TOMM34: variants seen among roughly 807,000 people sequenced by gnomAD.
TOMM34 encodes mitochondrial import receptor subunit TOM34.
In TOMM34, 24 loss-of-function variants were observed where a neutral mutation model predicts 37.4. The observed-to-expected ratio is 0.64, with a 90% CI of 0.46 to 0.90. The LOEUF (loss-of-function observed/expected upper bound fraction) is 0.90, where lower values mean the gene tolerates loss of function less well. TOMM34 is among the 40% of genes least tolerant of loss of function. The pLI is 0.00. For synonymous variants in TOMM34, 154 were observed against 148.9 expected (o/e 1.03, Z -0.25); for missense variants, 304 against 375.6 (o/e 0.81, Z 1.58).
At position 44,952,004 on chromosome 20, in the gene TOMM34, T is replaced by C; in HGVS notation, c.381-2A>G. 1 of 1,603,986 alleles carries C rather than the reference T, an allele frequency of 6.2e-7. No homozygotes were observed. The highest frequency in any genetic ancestry group is 8.5e-7 in the Non-Finnish European group (1 of 1,175,540). On this transcript the variant is annotated splice_acceptor_variant, in intron 3 of 6. Transcript: ENST00000372813. LOFTEE classifies it high-confidence loss of function. ...GAGTCCATGAGAGCTCTGGTCATTC[T>C]GGAAAAGAAGGCAGGATTGCAGGGA...
chr20:44,960,289 G>T lies in TOMM34; in HGVS notation c.45C>A (p.Ala15=), dbSNP rs777186463. ...GGCCGTTGCGGAAACTCTCATTGCC[G>T]GCGGCGCGGAGCTCCTCCACAGAGT... ...FPDSVEELRA[A]GNESFRNGQY... is the part of the protein sequence containing the mutation. The change falls in exon 1 of 7, where the codon GCC becomes GCA. Residue 15 remains alanine, a synonymous_variant. Coordinates refer to ENST00000372813, the MANE Select transcript of TOMM34 (RefSeq NM_006809.5). 6 of 1,583,872 alleles carry T rather than the reference G, an allele frequency of 3.8e-6. No individual in the cohort carries two copies. In the South Asian group the frequency reaches 6.9e-5, roughly 18 times the overall value.
At chr20:44,950,744 A>G (rs1418271204) in intron 4 of TOMM34, among the ~76,000 whole-genome samples, 1 of 152,198 alleles carries the variant, frequency 6.6e-6, no homozygotes, top group African/African-American at 2.4e-5. Flanking sequence ...CCAGAGAGGC[A>G]TTCTCCTGTA....
intron 4 of TOMM34, among the ~76,000 whole-genome samples, chr20:44,951,035 C>T (rs1179223356): frequency 6.6e-6 from 1 of 152,220 alleles, no homozygotes; most frequent in Admixed American, 6.5e-5. Context: ...TGGGAAGCAT[C>T]ACCCTCTAGT....
chr20:44,947,509 T>C (rs1340557865), intron 5 of TOMM34, among the ~76,000 whole-genome samples: 2 of 152,112 alleles, frequency 1.3e-5, no homozygotes, highest in African/African-American at 4.8e-5. Flanking sequence ...AACACTTCTT[T>C]TTTTTTTGTG....
chr20:44,943,044 GA>G lies in TOMM34; in HGVS notation c.*64del. The G allele has an allele frequency of 6.6e-7, 1 of 1,524,324 alleles. No individual in the cohort carries two copies. The highest frequency in any genetic ancestry group is 1.4e-5 in the African/African-American group (1 of 73,214). 94.4% of individuals were successfully genotyped at this position (1,524,324 alleles called of 1,614,324 possible). On this transcript the variant is annotated 3_prime_UTR_variant, in exon 7 of 7. Coordinates refer to ENST00000372813, the MANE Select transcript of TOMM34 (RefSeq NM_006809.5). ...ATGCTGGGTTTCAGGAGCGGGCACA[GA>G]GCAGGTGGCCCATGGCTTCTCTGGG...
rs912120333 is a variant in TOMM34 at position 44,960,054 on chromosome 20, G to T, written c.127+153C>A. 30 of 985,206 alleles carry T rather than the reference G, an allele frequency of 3.0e-5. No homozygotes were observed. In the African/African-American group the frequency reaches 5.1e-4, roughly 17 times the overall value. 61.0% of individuals were successfully genotyped at this position (985,206 alleles called of 1,614,324 possible). A position where few individuals can be genotyped will look rare whatever the true frequency, so the allele number is the denominator to read the frequency against. The stretch of plus-strand genomic sequence containing the variant: ...AGTTAACAAGCAGGTGGAAAGAAAG[G>T]GCCGAGGAAGTTTCTGGTAGGATGC... On this transcript the variant is annotated intron_variant, in intron 1 of 6. Coordinates refer to ENST00000372813, the MANE Select transcript of TOMM34 (RefSeq NM_006809.5).
At chr20:44,946,283 G>A (rs994224539) in intron 5 of TOMM34, among the ~76,000 whole-genome samples, 1 of 152,174 alleles carries the variant, frequency 6.6e-6, no homozygotes, top group Non-Finnish European at 1.5e-5. Flanking sequence ...GTGATTAATA[G>A]GGTCATGTGA....
intron 1 of TOMM34, among the ~76,000 whole-genome samples, chr20:44,959,440 C>T (rs1443343447): frequency 5.3e-5 from 8 of 152,134 alleles, no homozygotes; most frequent in Non-Finnish European, 5.9e-5. Context: ...GCTTCCCATC[C>T]AGCAGCTTTC....
intron 1 of TOMM34, chr20:44,959,952 G>T (rs2067110648): frequency 4.1e-6 from 4 of 985,438 alleles, no homozygotes; most frequent in Non-Finnish European, 4.8e-6. Flanking sequence ...ATGAATTGCT[G>T]CGGGGGAGGA....
chr20:44,954,947 C>T, intron 3 of TOMM34, 121 bp downstream of exon 3: 8 of 1,267,274 alleles, frequency 6.3e-6, no homozygotes, highest in Admixed American at 2.5e-5. Flanking sequence ...ACATGCCCAT[C>T]GGGAGTTTTT....
intron 2 of TOMM34, 41 bp from the exon 3 acceptor site, chr20:44,955,261 G>A: frequency 1.2e-6 from 2 of 1,604,538 alleles, no homozygotes; most frequent in Non-Finnish European, 1.7e-6. Flanking sequence ...TGGCTGCTGA[G>A]CCACCAGGGT....
At chr20:44,950,516 C>T (rs182922168) in intron 4 of TOMM34, among the ~76,000 whole-genome samples, 2 of 152,350 alleles carry the variant, frequency 1.3e-5, no homozygotes, top group East Asian at 1.9e-4. Context: ...TTAGCATACA[C>T]ATGGCTTGGA....
In TOMM34 at chr20:44,948,830, C is replaced by CT. The variant is rs1384019528; in HGVS notation, c.597dup (p.Gly200ArgfsTer3). On this transcript the variant is annotated frameshift_variant, in exon 5 of 7. Transcript: ENST00000372813. LOFTEE classifies it high-confidence loss of function. Reference sequence around the variant, plus strand: ...TTTCCCTTCTTTACAAGCTCATTGCCTTCTTCCTTCAGAACTCTGGCTTTC... The same window carrying CT: ...TTTCCCTTCTTTACAAGCTCATTGCCTTTCTTCCTTCAGAACTCTGGCTTTC... 2 of 1,614,056 alleles carry CT rather than the reference C, an allele frequency of 1.2e-6. No individual in the cohort carries two copies. Among genetic ancestry groups the CT allele is most frequent in the East Asian group, 4.5e-5 (2 of 44,884 alleles).
rs2067029575 is a variant in TOMM34 at position 44,951,895 on chromosome 20, G to A, written c.488C>T (p.Ser163Leu). 4 of 1,614,030 alleles carry A rather than the reference G, an allele frequency of 2.5e-6. No individual in the cohort carries two copies. Among genetic ancestry groups the A allele is most frequent in the East Asian group, 4.5e-5 (2 of 44,878 alleles). Reference protein sequence around the residue: ...SAQKRWNSLPSENHKEMAKSK... With the variant: ...SAQKRWNSLPLENHKEMAKSK... ...TTTAGCCATCTCTTTGTGGTTCTCC[G>A]AAGGCAAGGAATTCCACCTCTTCTG... The change falls in exon 4 of 7, where the codon TCG (serine) becomes TTG (leucine). Residue 163 changes from serine (S) to leucine (L), a missense_variant. Physicochemically the swap from Ser to Leu is moderately radical, Grantham distance 145. Coordinates refer to ENST00000372813, the MANE Select transcript of TOMM34 (RefSeq NM_006809.5).
chr20:44,943,422 T>C, intron 6 of TOMM34, 31 bp downstream of exon 6: 3 of 1,614,094 alleles, frequency 1.9e-6, no homozygotes, highest in South Asian at 1.1e-5. Flanking sequence ...TGTAGCTATG[T>C]TGGGACCTTT....
chr20:44,958,503 TC>T lies in TOMM34; in HGVS notation c.127+1703del, dbSNP rs368121410. The T allele has an allele frequency of 1.4e-3, 581 of 419,142 alleles. 2 individuals are homozygous for T. The highest frequency in any genetic ancestry group is 0.011 in the African/African-American group (533 of 48,896). The allele number at this position is 419,142 out of a possible 1,614,324, so 26.0% of individuals were successfully genotyped here. A position where few individuals can be genotyped will look rare whatever the true frequency, so the allele number is the denominator to read the frequency against. Reference sequence around the variant, plus strand: ...CCTGCGATCCGGACAAGTCACTCCATCCCTCTGATCATGCGTGCCCACCTAC... The same window carrying T: ...CCTGCGATCCGGACAAGTCACTCCATCCTCTGATCATGCGTGCCCACCTAC... On this transcript the variant is annotated intron_variant, in intron 1 of 6. Coordinates refer to ENST00000372813, the MANE Select transcript of TOMM34 (RefSeq NM_006809.5).
Position 44,942,809 on chromosome 20 carries a change from T to C in TOMM34, c.*300A>G, listed in dbSNP as rs1601133894. 1 of 466,178 alleles carries C rather than the reference T, an allele frequency of 2.1e-6. No individual in the cohort carries two copies. Among genetic ancestry groups the C allele is most frequent in the African/African-American group, 2.0e-5 (1 of 50,898 alleles). The allele number at this position is 466,178 out of a possible 1,614,324, so 28.9% of individuals were successfully genotyped here. On this transcript the variant is annotated 3_prime_UTR_variant, in exon 7 of 7. Coordinates refer to ENST00000372813, the MANE Select transcript of TOMM34 (RefSeq NM_006809.5). Reference sequence around the variant, plus strand: ...GGCAGGACAAAGCCAAATGCTTTGCTGATGAGGATCTGTTGGTGTGATCAG... The same window carrying C: ...GGCAGGACAAAGCCAAATGCTTTGCCGATGAGGATCTGTTGGTGTGATCAG...
chr20:44,944,020 C>T (rs2066959606), intron 5 of TOMM34, among the ~76,000 whole-genome samples: 1 of 152,098 alleles, frequency 6.6e-6, no homozygotes, highest in East Asian at 1.9e-4. Context: ...ATAATGCTGA[C>T]ATGGGGTGAA....
chr20:44,943,404 T>A, intron 6 of TOMM34, 49 bp downstream of exon 6: 1 of 1,613,234 alleles, frequency 6.2e-7, no homozygotes, highest in Non-Finnish European at 8.5e-7. Flanking sequence ...GACACTGGCA[T>A]AAATCTCTGT....
Sources: allele counts gnomAD v4.1 joint callset (sites outside exome capture counted in the v4.1 genomes callset), GRCh38; gene constraint gnomAD v4.1.1; transcripts MANE v1.5; gene names NCBI Gene and HGNC (gene_info 2026-07-23, HGNC 2026-07-21).